Variants in RYR3 observed in about 807,000 individuals in gnomAD.
RYR3 encodes the protein ryanodine receptor 3, also known as brain ryanodine receptor-calcium release channel.
RYR3 carries 207 observed loss-of-function variants against 584.3 expected under a neutral mutation model. The ratio of observed to expected loss-of-function variants is 0.35; its 90% CI spans 0.32 to 0.40. The LOEUF (loss-of-function observed/expected upper bound fraction) is 0.40, where lower values mean the gene tolerates loss of function less well. RYR3 is among the 10% of genes least tolerant of loss of function. The probability of loss-of-function intolerance (pLI) is 1.00; values close to 1 mark genes in which losing one functional copy is unlikely to be tolerated. For missense variants in RYR3, 5,616 were observed against 6,089.2 expected (o/e 0.92, Z 2.59); for synonymous variants, 2,416 against 2,248.5 (o/e 1.07, Z -2.11).
intron 10 of RYR3, among the ~76,000 whole-genome samples, chr15:33,550,946 C>A (rs1449733519): frequency 1.3e-5 from 2 of 152,160 alleles, no homozygotes; most frequent in Non-Finnish European, 2.9e-5. Flanking sequence ...CATCCCAAAC[C>A]TTCATTAAGG....
At chr15:33,695,503 A>G (rs1435623725) in intron 38 of RYR3, among the ~76,000 whole-genome samples, 2 of 152,144 alleles carry the variant, frequency 1.3e-5, no homozygotes, top group Non-Finnish European at 2.9e-5. Flanking sequence ...CTTGATGCTT[A>G]TGAGAGGAGT....
At chr15:33,857,970 A>G in intron 99 of RYR3, 56 bp downstream of exon 99, 1 of 1,603,858 alleles carries the variant, frequency 6.2e-7, no homozygotes, top group Middle Eastern at 1.8e-4. Flanking sequence ...ACCCCGCCCC[A>G]CCACCTCACT....
In RYR3 at chr15:33,726,439, C is replaced by T. The variant is rs374683480; in HGVS notation, c.6966C>T (p.Ser2322=). Residue 2322 remains serine (S), a synonymous_variant, in exon 46 of 104, where the codon TCC becomes TCT. Transcript: ENST00000634891. ...TCCGCATCAGGTCCATCCTGCGCTC[C>T]CTGGTCCCCACAGAAGACCTGGTTG... The part of the protein sequence containing the change: ...EAIRIRSILR[S]LVPTEDLVGI... 8.7e-6 allele frequency: 14 copies of T among 1,611,482 alleles called. No individual in the cohort carries two copies. Among genetic ancestry groups the T allele is most frequent in the African/African-American group, 5.3e-5 (4 of 74,906 alleles).
At chr15:33,464,503 T>TATGC in intron 1 of RYR3, among the ~76,000 whole-genome samples, 1 of 105,936 alleles carries the variant, frequency 9.4e-6, no homozygotes, top group South Asian at 3.0e-4. Flanking sequence ...CATATATATA[T>TATGC]ACATACACAT....
intron 98 of RYR3, 47 bp downstream of exon 98, chr15:33,854,959 G>A (rs767737159): frequency 3.3e-6 from 5 of 1,526,318 alleles, no homozygotes; most frequent in Non-Finnish European, 3.5e-6. Context: ...TATATGCACA[G>A]GAAAAAAAGA....
intron 1 of RYR3, among the ~76,000 whole-genome samples, chr15:33,347,789 C>T (rs574915499): frequency 7.2e-5 from 11 of 152,156 alleles, no homozygotes; most frequent in African/African-American, 2.6e-4. Flanking sequence ...TTAGGACTTC[C>T]TTACTTTCTG....
At chr15:33,542,935 C>G (rs2055940136) in intron 7 of RYR3, among the ~76,000 whole-genome samples, 1 of 152,106 alleles carries the variant, frequency 6.6e-6, no homozygotes, top group African/African-American at 2.4e-5. Context: ...AATGGGTCAT[C>G]ATGTCTTTGA....
rs748806564 is a variant in RYR3, at chr15:33,755,069, A to G, written c.8404A>G (p.Met2802Val). ...GTCTGTCCATGTCCAACGTAGGGGT[A>G]TGAAGGATATGGAGCTGGATGCCTC... ...QVNGIIVSRG[M>V]KDMELDASSM... Residue 2802 changes from methionine (M) to valine (V), a missense_variant, in exon 58 of 104, where the codon ATG (methionine) becomes GTG (valine). Around this residue, in one of 9 missense-constraint regions of RYR3, gnomAD observed 1,280 missense variants for 1,426.2 expected, o/e 0.90. Coordinates refer to ENST00000634891, the MANE Select transcript of RYR3 (RefSeq NM_001036.6). 7 of 1,601,534 alleles carry G rather than the reference A, an allele frequency of 4.4e-6. No individual in the cohort carries two copies. The African/African-American group carries it at 9.4e-5, about 21-fold the overall frequency.
chr15:33,816,456 G>C (rs930186911), intron 74 of RYR3, among the ~76,000 whole-genome samples: 2 of 152,046 alleles, frequency 1.3e-5, no homozygotes, highest in South Asian at 4.2e-4. Context: ...ACTGATCATC[G>C]GTATGACTTA....
intron 62 of RYR3, 70 bp downstream of exon 62, chr15:33,769,242 T>G: frequency 8.9e-7 from 1 of 1,127,606 alleles, no homozygotes; most frequent in Non-Finnish European, 1.3e-6. Flanking sequence ...TCACTAATTA[T>G]ACTGAAGAGA....
intron 85 of RYR3, among the ~76,000 whole-genome samples, chr15:33,829,929 T>C (rs1044696840): frequency 1.3e-5 from 2 of 152,166 alleles, no homozygotes; most frequent in African/African-American, 2.4e-5. Context: ...TAGTGGAGCC[T>C]GAAGAACATG....
chr15:33,725,974 C>CCGCCG (rs571518638), intron 45 of RYR3, among the ~76,000 whole-genome samples: 1 of 37,622 alleles, frequency 2.7e-5, no homozygotes, highest in African/African-American at 7.3e-5. Context: ...CATCCCCCCC[C>CCGCCG]CCAAAAAAAA....
intron 2 of RYR3, among the ~76,000 whole-genome samples, chr15:33,494,598 T>C (rs2051255522): frequency 6.6e-6 from 1 of 152,142 alleles, no homozygotes; most frequent in Non-Finnish European, 1.5e-5. Context: ...CCTCAGACAT[T>C]AGAAGGGGTT....
At chr15:33,364,588 G>T (rs1404197626) in intron 1 of RYR3, among the ~76,000 whole-genome samples, 5 of 152,162 alleles carry the variant, frequency 3.3e-5, no homozygotes, top group African/African-American at 1.2e-4. Flanking sequence ...AGAGGCAGAT[G>T]CATTCAATTA....
chr15:33,431,282 C>G (rs571281902), intron 1 of RYR3, among the ~76,000 whole-genome samples: 50 of 152,274 alleles, frequency 3.3e-4, no homozygotes, highest in Admixed American at 8.5e-4. Flanking sequence ...TGAGTTAGAT[C>G]TGTATCCAGC....
intron 5 of RYR3, among the ~76,000 whole-genome samples, 162 bp downstream of exon 5, chr15:33,533,551 T>C (rs2055058168): frequency 6.6e-6 from 1 of 152,162 alleles, no homozygotes; most frequent in African/African-American, 2.4e-5. Context: ...AGAAAGAATG[T>C]GTAATGGAAA....
intron 70 of RYR3, among the ~76,000 whole-genome samples, chr15:33,808,541 T>C (rs540794899): frequency 2.0e-5 from 3 of 152,384 alleles, no homozygotes; most frequent in South Asian, 2.1e-4. Flanking sequence ...ATATTTTACA[T>C]GTATACATAC....
chr15:33,466,680 G>T (rs914971457), intron 1 of RYR3, among the ~76,000 whole-genome samples: 5 of 152,174 alleles, frequency 3.3e-5, no homozygotes, highest in Non-Finnish European at 4.4e-5. Flanking sequence ...TGTCTCATGG[G>T]TCTATTGTAG....
intron 27 of RYR3, among the ~76,000 whole-genome samples, chr15:33,642,043 C>A (rs1195078475): frequency 6.6e-6 from 1 of 152,132 alleles, no homozygotes; most frequent in African/African-American, 2.4e-5. Flanking sequence ...TCCATTAACT[C>A]CTCATGTTCT....
Sources: gnomAD v4.1 joint callset for allele counts (sites outside exome capture counted in the v4.1 genomes callset) on GRCh38, gnomAD v4.1.1 for gene constraint, gnomAD v4.1.1 regional missense constraint, MANE v1.5 for transcripts, NCBI Gene and HGNC (gene_info 2026-07-23, HGNC 2026-07-21) for gene names.